Variants in GMDS observed in about 807,000 individuals in gnomAD.
GMDS encodes GDP-mannose 4,6-dehydratase, also known as GDP-mannose 4,6 dehydratase.
GMDS carries 20 observed loss-of-function variants against 49.9 expected under a neutral mutation model. The observed-to-expected ratio is 0.40, with a 90% confidence interval of 0.28 to 0.58. The LOEUF is 0.58. GMDS is among the 20% of genes least tolerant of loss of function. The pLI is 0.42. For synonymous variants in GMDS, 177 were observed against 178.6 expected (o/e 0.99, Z 0.07); for missense variants, 362 against 481.4 (o/e 0.75, Z 2.32).
rs536976883 is a variant in GMDS, at chr6:1,984,280, A to C, written c.346-23314T>G. ...AGAATAGCTAATGAATTCTGGGCTT[A>C]ATACCTAGATGATGAGATGATCTCT... On this transcript the variant is annotated intron_variant, in intron 4 of 10. Coordinates refer to ENST00000380815, the MANE Select transcript of GMDS (RefSeq NM_001500.4). Among the ~76,000 whole-genome samples, 3 of 152,266 alleles carry C rather than the reference A, an allele frequency of 2.0e-5. No homozygotes were observed. The South Asian group carries it at 6.2e-4, about 32-fold the overall frequency.
intron 4 of GMDS, among the ~76,000 whole-genome samples, chr6:2,113,788 T>C (rs1774690749): frequency 1.3e-5 from 2 of 152,152 alleles, no homozygotes; most frequent in East Asian, 1.9e-4. Context: ...TACTGTACCA[T>C]GCATGACACC....
chr6:2,055,253 A>C (rs952538746), intron 4 of GMDS, among the ~76,000 whole-genome samples: 7 of 151,840 alleles, frequency 4.6e-5, no homozygotes, highest in African/African-American at 1.7e-4. Context: ...CTCCCAGAGA[A>C]GAAAAAAAAA....
At chr6:1,688,644 TG>T (rs1468652467) in intron 9 of GMDS, among the ~76,000 whole-genome samples, 1 of 152,266 alleles carries the variant, frequency 6.6e-6, no homozygotes, top group Non-Finnish European at 1.5e-5. Flanking sequence ...AGAATTTGCC[TG>T]GGGACTTAAT....
intron 6 of GMDS, among the ~76,000 whole-genome samples, chr6:1,947,128 T>C (rs1763105932): frequency 6.6e-6 from 1 of 152,182 alleles, no homozygotes; most frequent in Admixed American, 6.5e-5. Context: ...TTGCTTCCTA[T>C]AGGGAAATAT....
chr6:1,665,392 G>A (rs1021445359), intron 9 of GMDS, among the ~76,000 whole-genome samples: 19 of 152,262 alleles, frequency 1.2e-4, no homozygotes, highest in Admixed American at 5.9e-4. Context: ...AACCATGATT[G>A]CTTTAAAGAG....
At chr6:1,798,983 G>C (rs995126264) in intron 7 of GMDS, among the ~76,000 whole-genome samples, 1 of 152,068 alleles carries the variant, frequency 6.6e-6, no homozygotes, top group Non-Finnish European at 1.5e-5. Context: ...GGGTGTTCTG[G>C]GCCTGGTCCA....
intron 4 of GMDS, among the ~76,000 whole-genome samples, chr6:2,047,068 T>C (rs1770063128): frequency 6.6e-6 from 1 of 152,164 alleles, no homozygotes; most frequent in Admixed American, 6.5e-5. Context: ...CTATATTGAG[T>C]ACAAATTTTA....
intron 1 of GMDS, among the ~76,000 whole-genome samples, chr6:2,136,199 T>C (rs1274367253): frequency 1.3e-5 from 2 of 152,240 alleles, no homozygotes; most frequent in Admixed American, 6.5e-5. Flanking sequence ...CACATGACTA[T>C]ATTTTACACT....
At chr6:1,772,759 A>T (rs1768631973) in intron 7 of GMDS, among the ~76,000 whole-genome samples, 1 of 152,210 alleles carries the variant, frequency 6.6e-6, no homozygotes, top group Non-Finnish European at 1.5e-5. Context: ...AACAAAAACA[A>T]GCATGGACTC....
intron 4 of GMDS, chr6:2,043,493 C>T (rs1581562820): frequency 6.6e-6 from 1 of 152,296 alleles, no homozygotes; most frequent in African/African-American, 2.4e-5. Flanking sequence ...CCTGTCTGAC[C>T]ACAGCAGCCC....
rs1561791193 is a variant in GMDS, at chr6:1,766,551, C to A, written c.772-23965G>T. Reference sequence around the variant, plus strand: ...GCTTACTTTGAAAAGTGATTTCTCTCTTGTGTATGGCTCGGGAGGAGGGTC... The same window carrying A: ...GCTTACTTTGAAAAGTGATTTCTCTATTGTGTATGGCTCGGGAGGAGGGTC... On this transcript the variant is annotated intron_variant, in intron 7 of 10. Coordinates refer to ENST00000380815, the MANE Select transcript of GMDS (RefSeq NM_001500.4). The surrounding 1 kb of genome is among the most constrained non-coding windows in gnomAD (Gnocchi z 4.5). Among the ~76,000 whole-genome samples the A allele has an allele frequency of 2.0e-5, 3 of 152,168 alleles. No individual in the cohort carries two copies. The highest frequency in any genetic ancestry group is 7.2e-5 in the African/African-American group (3 of 41,448).
intron 7 of GMDS, among the ~76,000 whole-genome samples, chr6:1,897,112 C>T (rs1206370011): frequency 6.6e-6 from 1 of 152,164 alleles, no homozygotes; most frequent in African/African-American, 2.4e-5. Flanking sequence ...GGCTGCTGTA[C>T]CTGCTGCACC....
intron 9 of GMDS, among the ~76,000 whole-genome samples, chr6:1,675,239 C>T (rs1312736300): frequency 6.6e-6 from 1 of 151,648 alleles, no homozygotes; most frequent in Admixed American, 6.6e-5. Flanking sequence ...TGCACTCGTT[C>T]GTTGTTAGAA....
chr6:2,030,188 T>C (rs1463574157), intron 4 of GMDS, among the ~76,000 whole-genome samples: 6 of 152,158 alleles, frequency 3.9e-5, no homozygotes, highest in Non-Finnish European at 7.3e-5. Context: ...CAAGAGTCTG[T>C]GGGTTTGGTC....
intron 1 of GMDS, among the ~76,000 whole-genome samples, chr6:2,140,896 G>C (rs569526417): frequency 6.6e-6 from 1 of 152,294 alleles, no homozygotes; most frequent in Non-Finnish European, 1.5e-5. Context: ...CAGCAGCTGA[G>C]CCAGCCCTCC....
chr6:2,208,398 C>G (rs577754479), intron 1 of GMDS, among the ~76,000 whole-genome samples: 1 of 152,300 alleles, frequency 6.6e-6, no homozygotes, highest in South Asian at 2.1e-4. Flanking sequence ...CAAAGAAAGG[C>G]TAAGCAACTC....
chr6:2,209,480 T>C (rs1779963164), intron 1 of GMDS, among the ~76,000 whole-genome samples: 1 of 152,084 alleles, frequency 6.6e-6, no homozygotes, highest in Non-Finnish European at 1.5e-5. Context: ...TTGACCACAG[T>C]GGGTACTCAC....
chr6:1,673,349 CAGTT>C lies in GMDS; in HGVS notation c.988-48813_988-48810del, dbSNP rs199710499. On this transcript the variant is annotated intron_variant, in intron 9 of 10. Transcript: ENST00000380815. Reference sequence around the variant, plus strand: ...TTTTTTCAACTTCGTGACTTCTCCTCAGTTAGGTTACCAAAGGGCTTTTTTTTTT... The same window carrying C: ...TTTTTTCAACTTCGTGACTTCTCCTCAGGTTACCAAAGGGCTTTTTTTTTT... Among the ~76,000 whole-genome samples the C allele has an allele frequency of 7.8e-3, 1,159 of 149,158 alleles. 15 individuals are homozygous for C. The highest frequency in any genetic ancestry group is 0.027 in the African/African-American group (1,092 of 40,508).
intron 7 of GMDS, among the ~76,000 whole-genome samples, chr6:1,782,338 C>T (rs942704254): frequency 1.3e-5 from 2 of 152,222 alleles, no homozygotes; most frequent in Admixed American, 6.5e-5. Flanking sequence ...ACACACTCAT[C>T]TACAATTTAA....
Sources: allele counts gnomAD v4.1 joint callset (sites outside exome capture counted in the v4.1 genomes callset), GRCh38; gene constraint gnomAD v4.1.1; non-coding constraint Gnocchi (gnomAD v3.1); transcripts MANE v1.5; gene names NCBI Gene and HGNC (gene_info 2026-07-23, HGNC 2026-07-21).